Variants in STEEP1 observed in about 807,000 individuals in gnomAD.
The protein encoded by STEEP1 is STING ER exit protein.
STEEP1 carries 3 observed loss-of-function variants against 19.2 expected under a neutral mutation model. The observed-to-expected ratio is 0.16, with a 90% CI of 0.07 to 0.40. The LOEUF (loss-of-function observed/expected upper bound fraction) is 0.40. STEEP1 is among the 10% of genes least tolerant of loss of function. The probability of loss-of-function intolerance (pLI) is 0.99; values close to 1 mark genes in which losing one functional copy is unlikely to be tolerated. For missense variants in STEEP1, 54 were observed against 177.1 expected (o/e 0.30, Z 3.94); for synonymous variants, 46 against 63.7 (o/e 0.72, Z 1.32).
intron 2 of STEEP1, among the ~76,000 whole-genome samples, chrX:119,558,747 T>G (rs2053300480): frequency 9.0e-6 from 1 of 111,169 alleles, no homozygotes. Flanking sequence ...TCTCCTATTT[T>G]CTGCATCACC....
intron 2 of STEEP1, among the ~76,000 whole-genome samples, chrX:119,549,067 G>A (rs1350722695): frequency 8.9e-6 from 1 of 111,853 alleles, no homozygotes; most frequent in Non-Finnish European, 1.9e-5. Flanking sequence ...GATTGCCAGG[G>A]GCTGAAGGTG....
intron 2 of STEEP1, among the ~76,000 whole-genome samples, chrX:119,555,024 A>C (rs1389944120): frequency 9.1e-6 from 1 of 109,956 alleles, no homozygotes; most frequent in Admixed American, 9.8e-5. Context: ...TGGGAGGATC[A>C]CTTGAGCCCA....
chrX:119,559,297 T>C (rs1365692767), intron 2 of STEEP1, among the ~76,000 whole-genome samples: 1 of 111,111 alleles, frequency 9.0e-6, no homozygotes, highest in Non-Finnish European at 1.9e-5. Flanking sequence ...TACTCTGTCC[T>C]CACCCTAGTA....
chrX:119,554,338 G>A (rs186904127), intron 2 of STEEP1, among the ~76,000 whole-genome samples: 8 of 111,294 alleles, frequency 7.2e-5, no homozygotes, highest in Admixed American at 6.7e-4. Flanking sequence ...CCAGCTACTC[G>A]GGAAGCTGAG....
At chrX:119,544,539 C>A (rs770815447) in intron 3 of STEEP1, 48 bp from the exon 4 acceptor site, 1 of 1,152,672 alleles carries the variant, frequency 8.7e-7, no homozygotes, top group Non-Finnish European at 1.2e-6. Flanking sequence ...TCCAAATTCC[C>A]AAAACAGCAA....
chrX:119,542,384 G>A, intron 5 of STEEP1, 121 bp downstream of exon 5: 1 of 505,347 alleles, frequency 2.0e-6, no homozygotes, highest in Non-Finnish European at 3.5e-6. Flanking sequence ...CTTATCAGCA[G>A]AGCAGGGTCT....
chrX:119,563,906 T>C (rs926248689), intron 1 of STEEP1, among the ~76,000 whole-genome samples: 2 of 111,637 alleles, frequency 1.8e-5, no homozygotes, highest in Non-Finnish European at 3.8e-5. Flanking sequence ...GGGATGACTA[T>C]AAGAGGAGCA....
chrX:119,564,753 C>G (rs576867842), intron 1 of STEEP1, among the ~76,000 whole-genome samples: 2 of 111,086 alleles, frequency 1.8e-5, no homozygotes, highest in East Asian at 5.7e-4. Context: ...GATGCAGAGA[C>G]AGCCAATATA....
At chrX:119,544,174 T>TAC (rs1414651150) in intron 4 of STEEP1, among the ~76,000 whole-genome samples, 179 bp downstream of exon 4, 1 of 107,831 alleles carries the variant, frequency 9.3e-6, no homozygotes, top group Admixed American at 9.9e-5. Flanking sequence ...AAAATAAAAA[T>TAC]AAAGTATAAG....
chrX:119,548,146 T>G (rs2053218491), intron 2 of STEEP1, among the ~76,000 whole-genome samples: 1 of 110,744 alleles, frequency 9.0e-6, no homozygotes, highest in Non-Finnish European at 1.9e-5. Flanking sequence ...CACTCCAGCC[T>G]GGACAACAGA....
intron 2 of STEEP1, among the ~76,000 whole-genome samples, chrX:119,549,795 G>A (rs2053231852): frequency 8.9e-6 from 1 of 112,203 alleles, no homozygotes; most frequent in African/African-American, 3.2e-5. Flanking sequence ...GTTAATCCAT[G>A]CATAAGAGCA....
intron 1 of STEEP1, among the ~76,000 whole-genome samples, chrX:119,561,733 C>G (rs1047964843): frequency 6.3e-5 from 7 of 110,411 alleles, no homozygotes; most frequent in African/African-American, 2.3e-4. Context: ...CCTAAAGGAT[C>G]ACAGAGAAAG....
intron 1 of STEEP1, among the ~76,000 whole-genome samples, chrX:119,561,597 G>A (rs180923460): frequency 9.1e-6 from 1 of 110,332 alleles, no homozygotes; most frequent in Non-Finnish European, 1.9e-5. Context: ...GAACCCAGGA[G>A]GCAGAGGGTT....
At chrX:119,541,064 A>T (rs1051859275) in intron 6 of STEEP1, among the ~76,000 whole-genome samples, 1 of 111,424 alleles carries the variant, frequency 9.0e-6, no homozygotes, top group African/African-American at 3.3e-5. Context: ...ATAAATAAAT[A>T]AAATAAAAAT....
intron 6 of STEEP1, among the ~76,000 whole-genome samples, chrX:119,540,463 A>G (rs755241464): frequency 1.8e-5 from 2 of 111,547 alleles, no homozygotes; most frequent in South Asian, 7.4e-4. Flanking sequence ...TACAGACACA[A>G]AGAGACTGGT....
intron 2 of STEEP1, among the ~76,000 whole-genome samples, chrX:119,550,138 C>T (rs2053233512): frequency 8.9e-6 from 1 of 111,975 alleles, no homozygotes; most frequent in Non-Finnish European, 1.9e-5. Flanking sequence ...GGCAATATTC[C>T]TCGAATGAAT....
chrX:119,557,736 A>G (rs2053291340), intron 2 of STEEP1, among the ~76,000 whole-genome samples: 1 of 110,318 alleles, frequency 9.1e-6, no homozygotes, highest in African/African-American at 3.3e-5. Flanking sequence ...CAAGCCAAGG[A>G]ATGCCAAGGA....
At chrX:119,555,279 AGAAGAT>A (rs1244406850) in intron 2 of STEEP1, among the ~76,000 whole-genome samples, 3 of 110,418 alleles carry the variant, frequency 2.7e-5, no homozygotes, top group African/African-American at 9.9e-5. Flanking sequence ...AGAGAGTACC[AGAAGAT>A]GAAGATGGAC....
At chrX:119,554,201 T>C (rs1296785410) in intron 2 of STEEP1, among the ~76,000 whole-genome samples, 1 of 112,020 alleles carries the variant, frequency 8.9e-6, no homozygotes, top group Non-Finnish European at 1.9e-5. Flanking sequence ...TCCCAGCACT[T>C]TGGGAGGCCA....
Sources: allele counts gnomAD v4.1 joint callset (sites outside exome capture counted in the v4.1 genomes callset), GRCh38; gene constraint gnomAD v4.1.1; transcripts MANE v1.5; gene names NCBI Gene and HGNC (gene_info 2026-07-23, HGNC 2026-07-21).